Variants in LRP1B observed in about 807,000 individuals in gnomAD.
LRP1B encodes LDL receptor related protein 1B.
LRP1B carries 217 observed loss-of-function variants against 556.6 expected under a neutral mutation model. The ratio of observed to expected loss-of-function variants is 0.39; its 90% CI spans 0.35 to 0.44. The LOEUF (loss-of-function observed/expected upper bound fraction) is 0.44. Among genes scored for constraint, LRP1B ranks in the 20% least tolerant of loss-of-function variants. The probability of loss-of-function intolerance (pLI) is 1.00; values close to 1 mark genes in which losing one functional copy is unlikely to be tolerated. For synonymous variants in LRP1B, 2,047 were observed against 1,865.8 expected (o/e 1.10, Z -2.50); for missense variants, 5,053 against 5,620.8 (o/e 0.90, Z 3.23).
chr2:140,702,458 G>T lies in LRP1B; in HGVS notation c.6119C>A (p.Ala2040Glu). The T allele has an allele frequency of 6.2e-7, 1 of 1,613,590 alleles. No individual in the cohort carries two copies. The highest frequency in any genetic ancestry group is 2.2e-5 in the East Asian group (1 of 44,862). ...GTCGATGGAGATGCCATTCGGCCATGCTATTCCCATGCTTACAAGGACAAC... is the reference window on the plus strand; with the variant it reads ...GTCGATGGAGATGCCATTCGGCCATTCTATTCCCATGCTTACAAGGACAAC... ...EKVVLVSMGI[A>E]WPNGISIDYE... The change falls in exon 38 of 91, where the codon GCA becomes GAA. Residue 2040 changes from alanine (A) to glutamate (E), a missense_variant. Physicochemically the swap from Ala to Glu is moderately radical, Grantham distance 107 (BLOSUM62 -1). Coordinates refer to ENST00000389484, the MANE Select transcript of LRP1B (RefSeq NM_018557.3).
intron 84 of LRP1B, among the ~76,000 whole-genome samples, chr2:140,296,249 T>C (rs572444703): frequency 9.2e-5 from 14 of 152,240 alleles, no homozygotes; most frequent in Non-Finnish European, 1.8e-4. Context: ...AGGCTTTGTG[T>C]ATAAAGTGTA....
chr2:140,979,754 A>G (rs1696713197), intron 18 of LRP1B, among the ~76,000 whole-genome samples: 1 of 152,160 alleles, frequency 6.6e-6, no homozygotes, highest in Admixed American at 6.5e-5. Context: ...TCACAAAACA[A>G]AGTCAGCCTA....
Position 140,950,386 on chromosome 2 carries a change from G to C in LRP1B, c.2985C>G (p.Asp995Glu), listed in dbSNP as rs114310880. 6.2e-7 allele frequency: 1 copy of C among 1,604,196 alleles called. No homozygotes were observed. The highest frequency in any genetic ancestry group is 1.7e-5 in the Admixed American group (1 of 57,670). Residue 995 changes from aspartate (D) to glutamate (E), a missense_variant, in exon 20 of 91, where the codon GAC becomes GAG. By Grantham distance (45) the Asp-to-Glu change is conservative (BLOSUM62 2). Transcript: ENST00000389484. ...WHCDSDDDCG[D>E]GSDEVGCVHS... ...GAACACAGCCCACCTCATCACTCCC[G>C]TCCCCACAGTCGTCATCTGGAAAGA...
intron 7 of LRP1B, among the ~76,000 whole-genome samples, chr2:141,150,310 C>T (rs912539744): frequency 6.6e-6 from 1 of 152,190 alleles, no homozygotes; most frequent in Admixed American, 6.5e-5. Context: ...GATCTGCTCC[C>T]TTAGTATTTG....
intron 3 of LRP1B, among the ~76,000 whole-genome samples, chr2:141,429,170 T>A (rs1471184730): frequency 6.6e-6 from 1 of 151,264 alleles, no homozygotes; most frequent in Non-Finnish European, 1.5e-5. Flanking sequence ...AACTCTGTTG[T>A]TTCTGCCCAG....
intron 35 of LRP1B, among the ~76,000 whole-genome samples, chr2:140,739,296 C>T: frequency 6.6e-6 from 1 of 150,946 alleles, no homozygotes; most frequent in South Asian, 2.1e-4. Context: ...AGAAGAACAA[C>T]AACTGTGAAG....
intron 4 of LRP1B, among the ~76,000 whole-genome samples, chr2:141,248,336 G>A (rs1684142966): frequency 6.6e-6 from 1 of 152,096 alleles, no homozygotes; most frequent in Non-Finnish European, 1.5e-5. Flanking sequence ...TGAGTAAGAC[G>A]AGTCTAGAGA....
intron 1 of LRP1B, among the ~76,000 whole-genome samples, chr2:141,863,164 A>G (rs1698305837): frequency 6.6e-6 from 1 of 152,072 alleles, no homozygotes; most frequent in Non-Finnish European, 1.5e-5. Flanking sequence ...TCATATTTAA[A>G]CTTCTATAGC....
intron 9 of LRP1B, among the ~76,000 whole-genome samples, chr2:141,056,288 A>C (rs1238927616): frequency 6.6e-6 from 1 of 151,770 alleles, no homozygotes; most frequent in East Asian, 2.0e-4. Flanking sequence ...CCACTTTCTA[A>C]ATCTTATCAT....
At chr2:141,584,240 G>T (rs915213228) in intron 2 of LRP1B, among the ~76,000 whole-genome samples, 10 of 150,270 alleles carry the variant, frequency 6.7e-5, no homozygotes, top group Non-Finnish European at 1.5e-5. Flanking sequence ...GTGAGACCTT[G>T]TCTCAAAAAA....
chr2:142,051,806 T>C (rs1704471128), intron 1 of LRP1B, among the ~76,000 whole-genome samples: 1 of 152,114 alleles, frequency 6.6e-6, no homozygotes, highest in South Asian at 2.1e-4. Flanking sequence ...TTCTCAAAAA[T>C]GCACGCTGGA....
chr2:141,453,580 T>C (rs1343404099), intron 3 of LRP1B, among the ~76,000 whole-genome samples: 2 of 152,210 alleles, frequency 1.3e-5, no homozygotes, highest in African/African-American at 2.4e-5. Context: ...TTATACCGTC[T>C]TATGAAAATG....
At chr2:141,039,496 C>T (rs1698635233) in intron 11 of LRP1B, among the ~76,000 whole-genome samples, 1 of 151,990 alleles carries the variant, frequency 6.6e-6, no homozygotes, top group Non-Finnish European at 1.5e-5. Flanking sequence ...ATAAAGGGGG[C>T]TACTGTAGCT....
At chr2:141,571,842 C>T (rs1473918314) in intron 2 of LRP1B, among the ~76,000 whole-genome samples, 1 of 151,988 alleles carries the variant, frequency 6.6e-6, no homozygotes, top group African/African-American at 2.4e-5. Context: ...AGCCTGAAGA[C>T]CACCTTGCTG....
At chr2:140,651,639 G>C (rs1262356972) in intron 41 of LRP1B, among the ~76,000 whole-genome samples, 1 of 151,508 alleles carries the variant, frequency 6.6e-6, no homozygotes, top group South Asian at 2.1e-4. Flanking sequence ...TTGTAGTTCA[G>C]TGTATATTTC....
intron 41 of LRP1B, among the ~76,000 whole-genome samples, chr2:140,673,751 C>T (rs749977322): frequency 9.9e-5 from 15 of 152,102 alleles, no homozygotes; most frequent in African/African-American, 2.9e-4. Context: ...AAAACTAGTT[C>T]GGGCCGTGAC....
intron 3 of LRP1B, among the ~76,000 whole-genome samples, chr2:141,333,129 C>T (rs1687718862): frequency 6.6e-6 from 1 of 152,068 alleles, no homozygotes. Flanking sequence ...ACAGTATAAG[C>T]ATTCATCCTT....
rs549467981 is a variant in LRP1B, at chr2:140,441,082, G to A, written c.10414+1422C>T. Among the ~76,000 whole-genome samples, 47 of 152,002 alleles carry A rather than the reference G, an allele frequency of 3.1e-4. 1 individual carries two copies. The South Asian group carries it at 9.4e-3, about 30-fold the overall frequency. On this transcript the variant is annotated intron_variant, in intron 66 of 90. Coordinates refer to ENST00000389484, the MANE Select transcript of LRP1B (RefSeq NM_018557.3). ...CTCTAAAGCTTTTAACATATTTCTCGGGCCATATGGTTACCATCAACTAAA... is the reference window on the plus strand; with the variant it reads ...CTCTAAAGCTTTTAACATATTTCTCAGGCCATATGGTTACCATCAACTAAA...
intron 86 of LRP1B, among the ~76,000 whole-genome samples, chr2:140,260,044 C>G (rs1681863653): frequency 6.6e-6 from 1 of 151,924 alleles, no homozygotes; most frequent in Non-Finnish European, 1.5e-5. Context: ...ATAAAAGATG[C>G]AGGCAAAATG....
Sources: gnomAD v4.1 joint callset for allele counts (sites outside exome capture counted in the v4.1 genomes callset) on GRCh38, gnomAD v4.1.1 for gene constraint, MANE v1.5 for transcripts, NCBI Gene and HGNC (gene_info 2026-07-23, HGNC 2026-07-21) for gene names.